Variants in FBXW8 observed in about 807,000 individuals in gnomAD.
The protein encoded by FBXW8 is F-box and WD repeat domain containing 8.
Under a neutral mutation model 65.3 loss-of-function variants are expected in FBXW8, and 57 were observed. The ratio of observed to expected loss-of-function variants is 0.87; its 90% CI spans 0.71 to 1.09. FBXW8 has a LOEUF of 1.09. Ranked by LOEUF, FBXW8 falls within the 50% of genes least tolerant of loss-of-function variation. The pLI, the probability that FBXW8 is intolerant of heterozygous loss-of-function variation, is 0.00. For missense variants in FBXW8, 777 were observed against 814.8 expected (o/e 0.95, Z 0.57); for synonymous variants, 308 against 330.2 (o/e 0.93, Z 0.73).
At chr12:116,999,600 G>A (rs1020477328) in intron 7 of FBXW8, among the ~76,000 whole-genome samples, 1 of 151,968 alleles carries the variant, frequency 6.6e-6, no homozygotes, top group Non-Finnish European at 1.5e-5. Flanking sequence ...CTGTCCACCT[G>A]TCAGTGCCCC....
chr12:116,967,386 C>T (rs1368074169), intron 5 of FBXW8, among the ~76,000 whole-genome samples: 1 of 152,146 alleles, frequency 6.6e-6, no homozygotes, highest in Non-Finnish European at 1.5e-5. Context: ...ATGGACTTGT[C>T]CAAGGGTGGC....
At chr12:116,985,177 T>C in intron 5 of FBXW8, 29 bp from the exon 6 acceptor site, 3 of 1,539,932 alleles carry the variant, frequency 1.9e-6, no homozygotes, top group Non-Finnish European at 2.6e-6. Context: ...AATTTAAAAT[T>C]GTTACCTGCA....
chr12:116,928,204 A>G, intron 2 of FBXW8, 77 bp downstream of exon 2: 1 of 895,418 alleles, frequency 1.1e-6, no homozygotes, highest in South Asian at 1.5e-5. Flanking sequence ...GGTAATAGAA[A>G]TTTACTCACA....
chr12:117,017,089 G>C (rs1592963286), intron 8 of FBXW8, among the ~76,000 whole-genome samples: 1 of 152,324 alleles, frequency 6.6e-6, no homozygotes, highest in South Asian at 2.1e-4. Context: ...CCAAATGTCA[G>C]GCATGTTGAA....
At chr12:116,918,994 G>T (rs1424203515) in intron 1 of FBXW8, among the ~76,000 whole-genome samples, 1 of 151,988 alleles carries the variant, frequency 6.6e-6, no homozygotes. Flanking sequence ...ACAGAGCAAT[G>T]ATAAAGTTTA....
intron 4 of FBXW8, chr12:116,950,010 T>C (rs1401382459): frequency 2.2e-5 from 7 of 315,756 alleles, no homozygotes; most frequent in Non-Finnish European, 4.2e-5. Flanking sequence ...AAACAGTTTG[T>C]ATTTTATGAA....
At chr12:117,016,327 C>G (rs1298398951) in intron 8 of FBXW8, among the ~76,000 whole-genome samples, 2 of 152,178 alleles carry the variant, frequency 1.3e-5, no homozygotes, top group Non-Finnish European at 1.5e-5. Context: ...CCAACACTTG[C>G]TACAGTCTCG....
At chr12:116,970,842 C>T (rs1025580255) in intron 5 of FBXW8, among the ~76,000 whole-genome samples, 1 of 152,054 alleles carries the variant, frequency 6.6e-6, no homozygotes, top group Non-Finnish European at 1.5e-5. Flanking sequence ...TCCAGTCAGT[C>T]TTGTCCTAAA....
chr12:116,995,903 A>G (rs1953362914), intron 7 of FBXW8, among the ~76,000 whole-genome samples: 1 of 152,230 alleles, frequency 6.6e-6, no homozygotes, highest in South Asian at 2.1e-4. Flanking sequence ...TAGTTCCTGA[A>G]ATCTATCAAA....
At chr12:116,917,739 T>C (rs1489344961) in intron 1 of FBXW8, among the ~76,000 whole-genome samples, 1 of 152,126 alleles carries the variant, frequency 6.6e-6, no homozygotes. Flanking sequence ...ATGCCTGTAA[T>C]CCCAGCACTT....
intron 7 of FBXW8, among the ~76,000 whole-genome samples, chr12:116,998,194 G>C (rs10774896): frequency 0.75 from 113,917 of 152,138 alleles, 44,702 homozygotes; most frequent in Non-Finnish European, 0.86. Context: ...AGAACTAATG[G>C]AATAAGCTAA....
chr12:116,999,286 A>T (rs1047423349), intron 7 of FBXW8, among the ~76,000 whole-genome samples: 1 of 152,194 alleles, frequency 6.6e-6, no homozygotes, highest in African/African-American at 2.4e-5. Context: ...GCTCTGCTGG[A>T]CCTGGCTTCC....
chr12:116,997,641 G>C (rs1953407054), intron 7 of FBXW8, among the ~76,000 whole-genome samples: 1 of 152,174 alleles, frequency 6.6e-6, no homozygotes, highest in African/African-American at 2.4e-5. Context: ...AGCAGAGGCA[G>C]CAGGGCCTGT....
intron 1 of FBXW8, among the ~76,000 whole-genome samples, chr12:116,926,890 C>T (rs1200434156): frequency 8.5e-5 from 13 of 152,090 alleles, no homozygotes; most frequent in Admixed American, 8.5e-4. Flanking sequence ...TACTGTGAGT[C>T]TTGGTAGGGT....
intron 5 of FBXW8, among the ~76,000 whole-genome samples, chr12:116,971,205 A>G (rs1884626080): frequency 6.6e-6 from 1 of 152,070 alleles, no homozygotes; most frequent in Admixed American, 6.5e-5. Context: ...TCTACAAAAA[A>G]TGAACTAGCT....
chr12:116,999,789 G>A (rs1373232346), intron 7 of FBXW8, among the ~76,000 whole-genome samples: 1 of 152,174 alleles, frequency 6.6e-6, no homozygotes, highest in Non-Finnish European at 1.5e-5. Context: ...AGCCAGGCCA[G>A]CGCCATCCTC....
chr12:116,953,344 G>A (rs1314203574), intron 4 of FBXW8, among the ~76,000 whole-genome samples: 2 of 152,200 alleles, frequency 1.3e-5, no homozygotes, highest in African/African-American at 2.4e-5. Context: ...GAGCCGCTCC[G>A]CTGTGTTTCT....
At position 117,005,821 on chromosome 12, in the gene FBXW8, A is replaced by G. The variant is rs549278367; in HGVS notation, c.1240-4502A>G. On this transcript the variant is annotated intron_variant, in intron 7 of 10. Coordinates refer to ENST00000652555, the MANE Select transcript of FBXW8 (RefSeq NM_153348.3). ...AACTTCCCTGTTCAGAAGAGCCAAG[A>G]GCCACATATGTGAGGCAGGTTACTA... is the stretch of plus-strand genomic sequence containing the variant. Among the ~76,000 whole-genome samples the G allele has an allele frequency of 7.9e-5, 12 of 152,346 alleles. No individual in the cohort carries two copies. The South Asian group carries it at 2.5e-3, about 32-fold the overall frequency.
intron 7 of FBXW8, among the ~76,000 whole-genome samples, chr12:117,004,756 G>T (rs1953635684): frequency 6.6e-6 from 1 of 152,170 alleles, no homozygotes. Flanking sequence ...TTCATGCTGG[G>T]CAGATGCTTG....
Sources: gnomAD v4.1 joint callset for allele counts (sites outside exome capture counted in the v4.1 genomes callset) on GRCh38, gnomAD v4.1.1 for gene constraint, MANE v1.5 for transcripts, NCBI Gene and HGNC (gene_info 2026-07-23, HGNC 2026-07-21) for gene names.